Variants in PIGN observed in about 807,000 individuals in gnomAD.
The protein encoded by PIGN is GPI ethanolamine phosphate transferase 1.
A neutral mutation model predicts 125.4 loss-of-function variants in PIGN; 117 were observed. That is an observed-to-expected ratio of 0.93 (90% CI 0.80 to 1.09). The LOEUF (loss-of-function observed/expected upper bound fraction) is 1.09, where lower values mean the gene tolerates loss of function less well. Among genes scored for constraint, PIGN ranks in the 50% least tolerant of loss-of-function variants. The probability of loss-of-function intolerance (pLI) is 0.00; values close to 1 mark genes in which losing one functional copy is unlikely to be tolerated. For missense variants in PIGN, 1,075 were observed against 1,094.9 expected, an observed-to-expected ratio of 0.98 and a Z score of 0.26; for synonymous variants, 392 against 377.8, an observed-to-expected ratio of 1.04 and a Z score of -0.44.
At chr18:62,057,997 G>T (rs1197298147) in intron 30 of PIGN, among the ~76,000 whole-genome samples, 1 of 152,196 alleles carries the variant, frequency 6.6e-6, no homozygotes, top group East Asian at 1.9e-4. Context: ...AAAAAGAGCA[G>T]GACTTCACAG....
intron 1 of PIGN, among the ~76,000 whole-genome samples, chr18:62,177,486 T>C (rs909379856): frequency 6.6e-6 from 1 of 152,220 alleles, no homozygotes; most frequent in African/African-American, 2.4e-5. Flanking sequence ...ATGATTAACG[T>C]CTTTGTCTAC....
At chr18:62,089,766 G>C (rs768460364) in intron 24 of PIGN, among the ~76,000 whole-genome samples, 2 of 151,998 alleles carry the variant, frequency 1.3e-5, no homozygotes, top group Non-Finnish European at 2.9e-5. Context: ...ATATAACGAT[G>C]GATCAACTAT....
chr18:62,104,891 C>G (rs902059187), intron 20 of PIGN: 2 of 152,068 alleles, frequency 1.3e-5, no homozygotes, highest in Non-Finnish European at 2.9e-5. Flanking sequence ...TCAAACAGCC[C>G]ATAATTTACT....
At chr18:62,180,361 TA>T (rs1373319187) in intron 1 of PIGN, among the ~76,000 whole-genome samples, 4 of 152,170 alleles carry the variant, frequency 2.6e-5, no homozygotes, top group African/African-American at 9.6e-5. Context: ...TATGGACCAA[TA>T]AGATTGAAAG....
Position 62,157,245 on chromosome 18 carries a change from G to A in PIGN, c.344-18C>T. ...CTTCCATCCTTCAGAAAGCAAGCAA[G>A]CAGTAATAGTTATATACACATGGTA... is the stretch of plus-strand genomic sequence containing the variant. On this transcript the variant is annotated intron_variant, in intron 5 of 30. Transcript: ENST00000640252. The A allele has an allele frequency of 1.4e-6, 2 of 1,390,636 alleles. No homozygotes were observed. The highest frequency in any genetic ancestry group is 2.0e-6 in the Non-Finnish European group (2 of 984,520). 86.1% of individuals were successfully genotyped at this position (1,390,636 alleles called of 1,614,324 possible).
Position 62,184,845 on chromosome 18 carries a change from T to C in PIGN, c.-236+1999A>G, listed in dbSNP as rs985533391. 2.6e-5 allele frequency among the ~76,000 whole-genome samples: 4 copies of C among 152,336 alleles called. No homozygotes were observed. The East Asian group carries it at 7.7e-4, about 29-fold the overall frequency. On this transcript the variant is annotated intron_variant, in intron 1 of 30. Transcript: ENST00000640252. ...TTCTCAACACATACTAATATTTCAA[T>C]AATTAATAAGTGACCACAGTAATAG... is the stretch of plus-strand genomic sequence containing the variant.
intron 10 of PIGN, among the ~76,000 whole-genome samples, chr18:62,145,542 GA>G (rs34015339): frequency 6.6e-6 from 1 of 152,078 alleles, no homozygotes; most frequent in Non-Finnish European, 1.5e-5. Flanking sequence ...TGTTTGGGTT[GA>G]AAAATCTCAA....
chr18:62,082,535 G>A, intron 28 of PIGN, 138 bp downstream of exon 28: 1 of 504,622 alleles, frequency 2.0e-6, no homozygotes. Context: ...GACTAAACGG[G>A]TGAAAATTTT....
chr18:62,047,946 A>C lies in PIGN; in HGVS notation c.2673-1967T>G, dbSNP rs373743675. Among the ~76,000 whole-genome samples, 31 of 152,312 alleles carry C rather than the reference A, an allele frequency of 2.0e-4. No homozygotes were observed. In the East Asian group the frequency reaches 3.3e-3, roughly 16 times the overall value. On this transcript the variant is annotated intron_variant, in intron 30 of 30. Transcript: ENST00000640252. The stretch of plus-strand genomic sequence containing the variant: ...AATGAGCAATTATGTACATACTAGA[A>C]ACAAACACACAAAAAAACAGAAAAT...
chr18:62,113,589 G>A (rs1005146879), intron 15 of PIGN, among the ~76,000 whole-genome samples: 1 of 152,080 alleles, frequency 6.6e-6, no homozygotes, highest in Non-Finnish European at 1.5e-5. Context: ...TTGTGGAAAT[G>A]ATATTCAGAC....
intron 14 of PIGN, among the ~76,000 whole-genome samples, chr18:62,133,241 A>G (rs1313530997): frequency 6.6e-6 from 1 of 152,216 alleles, no homozygotes; most frequent in Non-Finnish European, 1.5e-5. Context: ...TTGCACTTAC[A>G]TTATTTGCAA....
At chr18:62,120,955 A>G (rs2035280724) in intron 14 of PIGN, among the ~76,000 whole-genome samples, 1 of 152,216 alleles carries the variant, frequency 6.6e-6, no homozygotes, top group Non-Finnish European at 1.5e-5. Context: ...TACTTACAGA[A>G]GACATACCTT....
At position 62,147,113 on chromosome 18, in the gene PIGN, G is replaced by C; in HGVS notation, c.675-12C>G. The C allele has an allele frequency of 6.3e-7, 1 of 1,579,984 alleles. No individual in the cohort carries two copies. The highest frequency in any genetic ancestry group is 8.6e-7 in the Non-Finnish European group (1 of 1,160,764). ...TGTGCTTGTAGTCTCTATTTGTAAA[G>C]AAACAGAGGAACAAATTAAATTAAT... On this transcript the variant is annotated splice_polypyrimidine_tract_variant and intron_variant, in intron 8 of 30. Transcript: ENST00000640252.
chr18:62,120,426 A>T (rs1020226452), intron 14 of PIGN, among the ~76,000 whole-genome samples: 5 of 152,226 alleles, frequency 3.3e-5, no homozygotes, highest in Non-Finnish European at 7.3e-5. Flanking sequence ...AATACCCTTG[A>T]AAAGAAATGT....
intron 14 of PIGN, among the ~76,000 whole-genome samples, chr18:62,128,293 A>C (rs1007599139): frequency 1.3e-5 from 2 of 152,188 alleles, no homozygotes; most frequent in Non-Finnish European, 2.9e-5. Flanking sequence ...CAAACTGAGG[A>C]CTTTCAGAGA....
chr18:62,098,653 G>C (rs2146274538), intron 22 of PIGN, among the ~76,000 whole-genome samples: 1 of 152,214 alleles, frequency 6.6e-6, no homozygotes, highest in East Asian at 1.9e-4. Flanking sequence ...ATTAAAGCTA[G>C]ACCATGGTGT....
At chr18:62,126,807 C>CTACAGA (rs1173387759) in intron 14 of PIGN, among the ~76,000 whole-genome samples, 2 of 152,160 alleles carry the variant, frequency 1.3e-5, no homozygotes, top group African/African-American at 4.8e-5. Context: ...TGATGCTGTT[C>CTACAGA]TACAGACAGC....
chr18:62,162,098 T>C (rs1212469302), intron 3 of PIGN, among the ~76,000 whole-genome samples, 155 bp downstream of exon 3: 1 of 152,180 alleles, frequency 6.6e-6, no homozygotes, highest in Non-Finnish European at 1.5e-5. Flanking sequence ...TAAAAATGTT[T>C]TGTGCACACA....
At chr18:62,117,423 G>A (rs1056371418) in intron 14 of PIGN, among the ~76,000 whole-genome samples, 8 of 151,890 alleles carry the variant, frequency 5.3e-5, no homozygotes, top group African/African-American at 1.9e-4. Flanking sequence ...ATGAACAAGG[G>A]AGATCTATAC....
Sources: gnomAD v4.1 joint callset for allele counts (sites outside exome capture counted in the v4.1 genomes callset) on GRCh38, gnomAD v4.1.1 for gene constraint, MANE v1.5 for transcripts, NCBI Gene and HGNC (gene_info 2026-07-23, HGNC 2026-07-21) for gene names.